ARFIP2: variants seen among roughly 807,000 people sequenced by gnomAD.
ARFIP2 encodes ARF interacting protein 2, also known as arfaptin-2.
ARFIP2 carries 14 observed loss-of-function variants against 39.2 expected under a neutral mutation model. That is an observed-to-expected ratio of 0.36 (90% CI 0.24 to 0.56). The LOEUF (loss-of-function observed/expected upper bound fraction) is 0.56, where lower values mean the gene tolerates loss of function less well. Ranked by LOEUF, ARFIP2 falls within the 20% of genes least tolerant of loss-of-function variation. The pLI is 0.85. For missense variants in ARFIP2, 305 were observed against 422.5 expected (o/e 0.72, Z 2.44); for synonymous variants, 167 against 172.4 (o/e 0.97, Z 0.24).
chr11:6,479,215 A>G lies in ARFIP2; in HGVS notation c.240T>C (p.Pro80=), dbSNP rs760075782. The G allele has an allele frequency of 6.2e-7, 1 of 1,614,162 alleles. No homozygotes were observed. The change falls in exon 4 of 8, where the codon CCT becomes CCC. Residue 80 remains proline (P), a synonymous_variant. Transcript: ENST00000396777. ...HPSHSTTPSG[P]GDEVARGIAG... is the part of the protein sequence containing the mutation. ...CAATGCCCCGAGCCACCTCATCTCC[A>G]GGGCCAGAAGGAGTGGTGCTGTGAG...
intron 3 of ARFIP2, chr11:6,479,648 T>C: frequency 1.9e-6 from 1 of 531,094 alleles, no homozygotes. Context: ...CTTTAGAATC[T>C]AAAAATTCTG....
chr11:6,478,916 C>T lies in ARFIP2; in HGVS notation c.359G>A (p.Arg120Gln). Residue 120 changes from arginine to glutamine, a missense_variant, in exon 5 of 8, where the codon CGG (arginine) becomes CAG (glutamine). By Grantham distance (43) the Arg-to-Gln change is conservative. Around this residue, in one of 3 missense-constraint regions of ARFIP2, gnomAD observed 151 missense variants for 203.1 expected, o/e 0.74. Transcript: ENST00000396777. This position sits in a 1 kb window ranked among gnomAD's most constrained non-coding sequence, Gnocchi z 4.8. Reference sequence around the variant, plus strand: ...CAGCTCTAGCTCCAGGTCCACAGTCCGTGAGCCTCGACCAAATCGTTCTGA... The same window carrying T: ...CAGCTCTAGCTCCAGGTCCACAGTCTGTGAGCCTCGACCAAATCGTTCTGA... Reference protein sequence around the residue: ...LLSERFGRGSRTVDLELELQI... With the variant: ...LLSERFGRGSQTVDLELELQI... 1 of 1,614,166 alleles carries T rather than the reference C, an allele frequency of 6.2e-7. No homozygotes were observed. The highest frequency in any genetic ancestry group is 8.5e-7 in the Non-Finnish European group (1 of 1,180,022).
rs758641222 is a variant in ARFIP2, at chr11:6,477,809, C to T, written c.779G>A (p.Ser260Asn). The T allele has an allele frequency of 5.0e-6, 8 of 1,613,924 alleles. No homozygotes were observed. In the Admixed American group the frequency reaches 1.0e-4, roughly 20 times the overall value. ...RDAGTRGRLE[S>N]AQATFQAHRD... ...ATGGGCCTGGAAAGTGGCCTGGGCA[C>T]TCTCAAGTCGACCACGTGTCCCTGC... Residue 260 changes from serine (S) to asparagine (N), a missense_variant, in exon 7 of 8, where the codon AGT (serine) becomes AAT (asparagine). Coordinates refer to ENST00000396777, the MANE Select transcript of ARFIP2 (RefSeq NM_001376558.2). This position sits in a 1 kb window ranked among gnomAD's most constrained non-coding sequence, Gnocchi z 4.8.
rs1047038590 is a variant in ARFIP2, at chr11:6,480,412, C to T, written c.10G>A (p.Gly4Arg). 6.8e-6 allele frequency: 11 copies of T among 1,611,424 alleles called. No individual in the cohort carries two copies. The highest frequency in any genetic ancestry group is 1.3e-5 in the African/African-American group (1 of 74,770). MTD[G>R]ILGKAATMEI... The stretch of plus-strand genomic sequence containing the variant: ...ATTGTGGCTGCCTTCCCTAGGATCC[C>T]GTCCGTCATGGCTAGGAAAGGTATT... Residue 4 changes from glycine to arginine, a missense_variant, in exon 2 of 8, where the codon GGG (glycine) becomes AGG (arginine). Physicochemically the swap from Gly to Arg is moderately radical, Grantham distance 125 (BLOSUM62 -2). Transcript: ENST00000396777.
chr11:6,477,130 A>G lies in ARFIP2; in HGVS notation c.1009T>C (p.Trp337Arg). The change falls in exon 8 of 8, where the codon TGG becomes CGG. Residue 337 changes from tryptophan to arginine, a missense_variant. Physicochemically the swap from Trp to Arg is moderately radical, Grantham distance 101. This residue lies in a region of ARFIP2 where 112 missense variants were observed against 118.2 expected (regional missense o/e 0.95). Transcript: ENST00000396777. The surrounding 1 kb of genome is among the most constrained non-coding windows in gnomAD (Gnocchi z 4.8). ...LRPPGAEKPS[W>R]LEEQ ...GGAGCAGCTCACTGCTCCTCTAGCC[A>G]GGAGGGTTTCTCAGCTCCTGGAGGC... The G allele has an allele frequency of 1.2e-6, 2 of 1,611,342 alleles. No individual in the cohort carries two copies. The highest frequency in any genetic ancestry group is 1.7e-6 in the Non-Finnish European group (2 of 1,178,514).
Position 6,480,156 on chromosome 11 carries a change from A to G in ARFIP2, c.100-88T>C, listed in dbSNP as rs1229755523. Reference sequence around the variant, plus strand: ...GGGAACAAGTTTGGATTCAAGCATCATAAAGATAGTACACAAGGGAAGTCT... The same window carrying G: ...GGGAACAAGTTTGGATTCAAGCATCGTAAAGATAGTACACAAGGGAAGTCT... On this transcript the variant is annotated intron_variant, in intron 2 of 7. Transcript: ENST00000396777. 40 of 1,343,384 alleles carry G rather than the reference A, an allele frequency of 3.0e-5. No individual in the cohort carries two copies. The East Asian group carries it at 3.4e-4, about 12-fold the overall frequency. 83.2% of individuals were successfully genotyped at this position (1,343,384 alleles called of 1,614,324 possible).
chr11:6,481,255 C>G lies in ARFIP2; in HGVS notation c.-67G>C. ...CCTCGGGCCGGGCCGCTCTTCCCCT[C>G]AGGGCGCCAGGCCCGGGCCGCGCGG... On this transcript the variant is annotated 5_prime_UTR_variant, in exon 1 of 8. Coordinates refer to ENST00000396777, the MANE Select transcript of ARFIP2 (RefSeq NM_001376558.2). 1.7e-6 allele frequency: 1 copy of G among 599,840 alleles called. No homozygotes were observed. The allele number at this position is 599,840 out of a possible 1,614,324, so 37.2% of individuals were successfully genotyped here.
Position 6,480,303 on chromosome 11 carries a change from G to A in ARFIP2, c.99+20C>T, listed in dbSNP as rs1420021794. On this transcript the variant is annotated intron_variant, in intron 2 of 7. Coordinates refer to ENST00000396777, the MANE Select transcript of ARFIP2 (RefSeq NM_001376558.2). ...TTGGATTCCTAAATTGAAACAATTAGAAGAATCAAACAGAAGCACCTGCTC... is the reference window on the plus strand; with the variant it reads ...TTGGATTCCTAAATTGAAACAATTAAAAGAATCAAACAGAAGCACCTGCTC... The A allele has an allele frequency of 6.2e-6, 10 of 1,606,918 alleles. No homozygotes were observed. The Middle Eastern group carries it at 8.3e-4, about 133-fold the overall frequency.
Position 6,479,336 on chromosome 11 carries a change from C to T in ARFIP2, c.197-78G>A, listed in dbSNP as rs751298057. 45 of 1,609,986 alleles carry T rather than the reference C, an allele frequency of 2.8e-5. No individual in the cohort carries two copies. In the South Asian group the frequency reaches 3.6e-4, roughly 13 times the overall value. ...CTGTGGCCCCACCCATACTTCTCTTCGAGCACATGAAATTGACTTCCCTGA... is the reference window on the plus strand; with the variant it reads ...CTGTGGCCCCACCCATACTTCTCTTTGAGCACATGAAATTGACTTCCCTGA... On this transcript the variant is annotated intron_variant, in intron 3 of 7. Coordinates refer to ENST00000396777, the MANE Select transcript of ARFIP2 (RefSeq NM_001376558.2).
chr11:6,479,491 G>A, intron 3 of ARFIP2: 1 of 685,842 alleles, frequency 1.5e-6, no homozygotes, highest in Non-Finnish European at 2.4e-6. Flanking sequence ...GGGAGTTGTT[G>A]GTGTACAGGG....
In ARFIP2 at chr11:6,476,599, G is replaced by A. The variant is rs571046444; in HGVS notation, c.*514C>T. On this transcript the variant is annotated 3_prime_UTR_variant, in exon 8 of 8. Coordinates refer to ENST00000396777, the MANE Select transcript of ARFIP2 (RefSeq NM_001376558.2). ...GCACAATTAAACTGGGTGGGTGGGTGAGGGTAGGCCTATTCAGATGCAAGG... is the reference window on the plus strand; with the variant it reads ...GCACAATTAAACTGGGTGGGTGGGTAAGGGTAGGCCTATTCAGATGCAAGG... The A allele has an allele frequency of 3.2e-5, 5 of 154,408 alleles. No individual in the cohort carries two copies. The highest frequency in any genetic ancestry group is 1.2e-4 in the African/African-American group (5 of 41,564). The allele number at this position is 154,408 out of a possible 1,614,324, so 9.6% of individuals were successfully genotyped here. A position where few individuals can be genotyped will look rare whatever the true frequency, so the allele number is the denominator to read the frequency against.
In ARFIP2 at chr11:6,477,733, G is replaced by A. The variant is rs1302772331; in HGVS notation, c.855C>T (p.Phe285=). ...LRGDVAIKLK[F]LEENKIKVMH... Reference sequence around the variant, plus strand: ...GGGTTGGCACCTTGTTTTCTTCCAGGAACTTGAGCTTGATGGCCACATCTC... The same window carrying A: ...GGGTTGGCACCTTGTTTTCTTCCAGAAACTTGAGCTTGATGGCCACATCTC... The change falls in exon 7 of 8, where the codon TTC becomes TTT. Residue 285 remains phenylalanine, a synonymous_variant. Coordinates refer to ENST00000396777, the MANE Select transcript of ARFIP2 (RefSeq NM_001376558.2). The surrounding 1 kb of genome is among the most constrained non-coding windows in gnomAD (Gnocchi z 4.8). The A allele has an allele frequency of 6.2e-7, 1 of 1,613,664 alleles. No homozygotes were observed. The highest frequency in any genetic ancestry group is 1.3e-5 in the African/African-American group (1 of 74,836).
chr11:6,476,658 T>A lies in ARFIP2; in HGVS notation c.*455A>T, dbSNP rs1482254722. 6.2e-6 allele frequency: 1 copy of A among 161,622 alleles called. No individual in the cohort carries two copies. The highest frequency in any genetic ancestry group is 1.4e-5 in the Non-Finnish European group (1 of 72,756). The allele number at this position is 161,622 out of a possible 1,614,324, so 10.0% of individuals were successfully genotyped here. A position where few individuals can be genotyped will look rare whatever the true frequency, so the allele number is the denominator to read the frequency against. On this transcript the variant is annotated 3_prime_UTR_variant, in exon 8 of 8. Transcript: ENST00000396777. ...GGGGCTCCCCATTATCCCCACCCCT[T>A]TGGTCCCAGTCCCCTTCTCTGCAAT...
At chr11:6,479,550 A>G in intron 3 of ARFIP2, 1 of 595,906 alleles carries the variant, frequency 1.7e-6, no homozygotes, top group Non-Finnish European at 3.0e-6. Context: ...AGCAGGAGTC[A>G]AGGATGGTGG....
At position 6,477,933 on chromosome 11, in the gene ARFIP2, C is replaced by T. The variant is rs985487565; in HGVS notation, c.696-41G>A. ...TAAAGGCTGGTCTCCACTCCTTTAT[C>T]CTCAACACATACTCTCCTTTCCTTC... On this transcript the variant is annotated intron_variant, in intron 6 of 7. Coordinates refer to ENST00000396777, the MANE Select transcript of ARFIP2 (RefSeq NM_001376558.2). This position sits in a 1 kb window ranked among gnomAD's most constrained non-coding sequence, Gnocchi z 4.8. The T allele has an allele frequency of 1.2e-5, 19 of 1,610,296 alleles. No homozygotes were observed. The highest frequency in any genetic ancestry group is 1.6e-5 in the Non-Finnish European group (19 of 1,177,546).
intron 3 of ARFIP2, chr11:6,479,476 T>A: frequency 1.2e-6 from 1 of 803,468 alleles, no homozygotes; most frequent in Middle Eastern, 2.9e-4. Flanking sequence ...GAGGAGGGGT[T>A]TGCAGGGAGT....
rs935328642 is a variant in ARFIP2 at position 6,476,756 on chromosome 11, C to A, written c.*357G>T. ...GCCCAGGGGAGTCCGAGAAGAGCTG[C>A]CATTGGCTGACAGGGCATTTTCAGG... On this transcript the variant is annotated 3_prime_UTR_variant, in exon 8 of 8. Coordinates refer to ENST00000396777, the MANE Select transcript of ARFIP2 (RefSeq NM_001376558.2). The A allele has an allele frequency of 1.3e-5, 3 of 234,962 alleles. No homozygotes were observed. The highest frequency in any genetic ancestry group is 5.1e-5 in the Admixed American group (1 of 19,450). The allele number at this position is 234,962 out of a possible 1,614,324, so 14.6% of individuals were successfully genotyped here.
At chr11:6,479,392 G>T in intron 3 of ARFIP2, 134 bp from the exon 4 acceptor site, 1 of 1,578,452 alleles carries the variant, frequency 6.3e-7, no homozygotes, top group Non-Finnish European at 8.6e-7. Context: ...GGATGCTCCT[G>T]CTTACTAGGA....
chr11:6,479,751 A>G (rs2134306110), intron 3 of ARFIP2: 1 of 578,114 alleles, frequency 1.7e-6, no homozygotes, highest in East Asian at 2.9e-5. Flanking sequence ...GGTGGCAGGG[A>G]AAGGACAAAT....
Sources: gnomAD v4.1 joint callset for allele counts on GRCh38, gnomAD v4.1.1 for gene constraint, gnomAD v4.1.1 regional missense constraint, Gnocchi (gnomAD v3.1) non-coding constraint, MANE v1.5 for transcripts, NCBI Gene and HGNC (gene_info 2026-07-23, HGNC 2026-07-21) for gene names.